TCF7L2: variants seen among roughly 807,000 people sequenced by gnomAD.
The protein encoded by TCF7L2 is transcription factor 7 like 2.
A neutral mutation model predicts 77.9 loss-of-function variants in TCF7L2; 23 were observed. The observed-to-expected ratio is 0.30, with a 90% confidence interval of 0.21 to 0.42. The LOEUF (loss-of-function observed/expected upper bound fraction) is 0.42. Ranked by LOEUF, TCF7L2 falls within the 10% of genes least tolerant of loss-of-function variation. The pLI is 1.00. For synonymous variants in TCF7L2, 413 were observed against 340.2 expected, an observed-to-expected ratio of 1.21 and a Z score of -2.36; for missense variants, 654 against 793.1, an observed-to-expected ratio of 0.82 and a Z score of 2.11.
rs564679844 is a variant in TCF7L2, at chr10:113,106,587, C to T, written c.553-34597C>T. Among the ~76,000 whole-genome samples the T allele has an allele frequency of 5.9e-5, 9 of 152,034 alleles. No homozygotes were observed. In the East Asian group the frequency reaches 1.5e-3, roughly 26 times the overall value. On this transcript the variant is annotated intron_variant, in intron 5 of 13. Transcript: ENST00000627217. ...GTGTTGATATGATGATCAGGAGGCTCGTGATGGTGATGAGGATGGATTAAT... is the reference window on the plus strand; with the variant it reads ...GTGTTGATATGATGATCAGGAGGCTTGTGATGGTGATGAGGATGGATTAAT...
chr10:113,138,461 A>C (rs2067768899), intron 5 of TCF7L2, among the ~76,000 whole-genome samples: 1 of 151,972 alleles, frequency 6.6e-6, no homozygotes, highest in African/African-American at 2.4e-5. Context: ...TATTGCCCAA[A>C]CGCTATCTTC....
Position 113,026,580 on chromosome 10 carries a change from AAGAGACATTCCTT to A in TCF7L2, c.451-13442_451-13430del, listed in dbSNP as rs569594929. Among the ~76,000 whole-genome samples, 103 of 152,316 alleles carry A rather than the reference AAGAGACATTCCTT, an allele frequency of 6.8e-4. 1 individual carries two copies. The highest frequency in any genetic ancestry group is 4.8e-3 in the East Asian group (25 of 5,192). On this transcript the variant is annotated intron_variant, in intron 4 of 13. Coordinates refer to ENST00000627217, the MANE Select transcript of TCF7L2 (RefSeq NM_001146274.2). ...GCCCAGGAGCTGGGTCAGATAGGTA[AAGAGACATTCCTT>A]AGTTCTTATCCTCTGCTACCAAGCC... is the stretch of plus-strand genomic sequence containing the variant.
chr10:113,154,630 G>A (rs1013635671), intron 11 of TCF7L2, among the ~76,000 whole-genome samples: 4 of 152,282 alleles, frequency 2.6e-5, no homozygotes, highest in Middle Eastern at 3.4e-3. Context: ...ACTTGCCTGG[G>A]AGTCGTTTAG....
At chr10:113,113,425 A>T (rs886694838) in intron 5 of TCF7L2, among the ~76,000 whole-genome samples, 1 of 152,214 alleles carries the variant, frequency 6.6e-6, no homozygotes, top group African/African-American at 2.4e-5. Flanking sequence ...CTATTTAGAC[A>T]TGAATCACAG....
At chr10:113,070,842 A>G (rs1049406569) in intron 5 of TCF7L2, among the ~76,000 whole-genome samples, 1 of 152,142 alleles carries the variant, frequency 6.6e-6, no homozygotes, top group Non-Finnish European at 1.5e-5. Context: ...CAGTGGTTGT[A>G]GTAGATTCAG....
rs531559463 is a variant in TCF7L2, at chr10:113,012,157, C to G, written c.451-27868C>G. Among the ~76,000 whole-genome samples, 3 of 152,292 alleles carry G rather than the reference C, an allele frequency of 2.0e-5. No homozygotes were observed. The South Asian group carries it at 6.2e-4, about 32-fold the overall frequency. Reference sequence around the variant, plus strand: ...TTGGGAAACCTTTAAAATTCTAACGCCCAGGTCACATCCCATTCCAACTAG... The same window carrying G: ...TTGGGAAACCTTTAAAATTCTAACGGCCAGGTCACATCCCATTCCAACTAG... On this transcript the variant is annotated intron_variant, in intron 4 of 13. Transcript: ENST00000627217.
chr10:113,055,405 G>A (rs993786552), intron 5 of TCF7L2, among the ~76,000 whole-genome samples: 3 of 152,248 alleles, frequency 2.0e-5, no homozygotes, highest in Admixed American at 2.0e-4. Flanking sequence ...TTTCTCCTCT[G>A]TGGCTTGCCT....
chr10:112,988,884 C>T (rs2042038890), intron 4 of TCF7L2, among the ~76,000 whole-genome samples: 1 of 152,180 alleles, frequency 6.6e-6, no homozygotes, highest in South Asian at 2.1e-4. Context: ...ACATAACACT[C>T]ACAATGCCTT....
At chr10:113,133,394 C>G (rs1592140190) in intron 5 of TCF7L2, 1 of 152,224 alleles carries the variant, frequency 6.6e-6, no homozygotes, top group African/African-American at 2.4e-5. Context: ...CCCACCACCT[C>G]TCACCCCCCA....
chr10:113,061,470 G>A (rs1712647668), intron 5 of TCF7L2, among the ~76,000 whole-genome samples: 1 of 152,204 alleles, frequency 6.6e-6, no homozygotes, highest in South Asian at 2.1e-4. Context: ...AATCTCTCCA[G>A]TGACTTTTGA....
At chr10:113,144,086 T>G in intron 7 of TCF7L2, 61 bp downstream of exon 7, 1 of 1,340,446 alleles carries the variant, frequency 7.5e-7, no homozygotes, top group Admixed American at 1.9e-5. Flanking sequence ...TTATTATTTA[T>G]TCTGTGTGTG....
chr10:113,030,453 A>G (rs1343402435), intron 4 of TCF7L2, among the ~76,000 whole-genome samples: 1 of 152,200 alleles, frequency 6.6e-6, no homozygotes, highest in Non-Finnish European at 1.5e-5. Context: ...AGCATGCTGT[A>G]GAGACATGGG....
At chr10:113,105,372 C>T (rs1181996565) in intron 5 of TCF7L2, among the ~76,000 whole-genome samples, 2 of 152,128 alleles carry the variant, frequency 1.3e-5, no homozygotes, top group South Asian at 2.1e-4. Context: ...AAGAAATCAC[C>T]TTGAGAGCTT....
intron 4 of TCF7L2, among the ~76,000 whole-genome samples, chr10:112,985,431 C>T (rs1462819352): frequency 6.6e-6 from 1 of 152,192 alleles, no homozygotes; most frequent in Non-Finnish European, 1.5e-5. Context: ...TCCCCCAAGA[C>T]ATATAATATA....
intron 13 of TCF7L2, 118 bp from the exon 15 acceptor site, chr10:113,165,437 C>A: frequency 1.8e-6 from 2 of 1,128,010 alleles, no homozygotes; most frequent in African/African-American, 1.6e-5. Flanking sequence ...GACCACTGGG[C>A]GTGCCACCTC....
intron 5 of TCF7L2, chr10:113,129,362 T>A: frequency 1.0e-6 from 1 of 989,978 alleles, no homozygotes; most frequent in Non-Finnish European, 1.2e-6. Flanking sequence ...GCTCTGTCCC[T>A]GCTGCCCAAG....
chr10:113,090,067 T>TC (rs1451666898), intron 5 of TCF7L2, among the ~76,000 whole-genome samples: 14 of 152,230 alleles, frequency 9.2e-5, no homozygotes, highest in Non-Finnish European at 2.1e-4. Context: ...GATGTTGCTC[T>TC]CCAAGGACAG....
intron 11 of TCF7L2, among the ~76,000 whole-genome samples, chr10:113,152,776 G>T (rs886895073): frequency 1.4e-4 from 21 of 152,186 alleles, no homozygotes; most frequent in African/African-American, 5.1e-4. Flanking sequence ...CTTATGTTCC[G>T]GATTAGGTTC....
At chr10:113,066,232 G>A (rs1039230317) in intron 5 of TCF7L2, among the ~76,000 whole-genome samples, 47 of 152,124 alleles carry the variant, frequency 3.1e-4, no homozygotes, top group African/African-American at 1.0e-3. Context: ...GGGCTTGGTG[G>A]TGCATGCCTG....
Sources: gnomAD v4.1 joint callset for allele counts (sites outside exome capture counted in the v4.1 genomes callset) on GRCh38, gnomAD v4.1.1 for gene constraint, MANE v1.5 for transcripts, NCBI Gene and HGNC (gene_info 2026-07-23, HGNC 2026-07-21) for gene names.